The following PAQR5 variants were observed in gnomAD, a reference collection of about 807,000 sequenced individuals.
The protein encoded by PAQR5 is membrane progestin receptor gamma.
A neutral mutation model predicts 34.5 loss-of-function variants in PAQR5; 20 were observed. The observed-to-expected ratio is 0.58, with a 90% confidence interval of 0.41 to 0.84. The LOEUF (loss-of-function observed/expected upper bound fraction) is 0.84, where lower values mean the gene tolerates loss of function less well. Among genes scored for constraint, PAQR5 ranks in the 40% least tolerant of loss-of-function variants. The pLI is 0.00. For synonymous variants in PAQR5, 131 were observed against 155.6 expected (o/e 0.84, Z 1.18); for missense variants, 378 against 412.7 (o/e 0.92, Z 0.73).
At chr15:69,378,366 G>A (rs1354922666) in intron 3 of PAQR5, among the ~76,000 whole-genome samples, 2 of 133,066 alleles carry the variant, frequency 1.5e-5, no homozygotes, top group African/African-American at 5.6e-5. Context: ...TGAGCCAGGA[G>A]TTTGAGGCTG....
At chr15:69,341,682 C>T (rs1385172595) in intron 2 of PAQR5, among the ~76,000 whole-genome samples, 2 of 152,110 alleles carry the variant, frequency 1.3e-5, no homozygotes, top group Non-Finnish European at 2.9e-5. Context: ...CAGGCCGTCG[C>T]ACCTGTAATC....
At chr15:69,390,367 T>TTTTTTTTTTA (rs60267549) in intron 6 of PAQR5, among the ~76,000 whole-genome samples, 4 of 149,552 alleles carry the variant, frequency 2.7e-5, no homozygotes, top group Admixed American at 6.6e-5. Context: ...TTTATTTTTT[T>TTTTTTTTTTA]GAGACAGGGT....
chr15:69,346,648 A>T (rs534946130), intron 2 of PAQR5, among the ~76,000 whole-genome samples: 2 of 145,112 alleles, frequency 1.4e-5, no homozygotes, highest in African/African-American at 5.2e-5. Context: ...TGAGTACACA[A>T]TTTTACTCTG....
chr15:69,397,323 TGGA>T, intron 6 of PAQR5, 142 bp from the exon 7 acceptor site: 1 of 719,954 alleles, frequency 1.4e-6, no homozygotes, highest in Non-Finnish European at 2.6e-6. Context: ...ACGAGGCTGG[TGGA>T]GAAGCTGCTG....
chr15:69,384,575 G>A (rs1375477385), intron 4 of PAQR5, 102 bp from the exon 5 acceptor site: 1 of 653,858 alleles, frequency 1.5e-6, no homozygotes, highest in African/African-American at 1.9e-5. Context: ...CGGGCCCTCC[G>A]TGTTCATGGT....
At chr15:69,384,651 G>A in intron 4 of PAQR5, 26 bp from the exon 5 acceptor site, 1 of 1,561,388 alleles carries the variant, frequency 6.4e-7, no homozygotes, top group Non-Finnish European at 8.8e-7. Context: ...TCATGGTGGA[G>A]GGTGAGTGAG....
intron 3 of PAQR5, among the ~76,000 whole-genome samples, chr15:69,361,165 C>T (rs1298167991): frequency 4.6e-5 from 7 of 152,198 alleles, no homozygotes; most frequent in African/African-American, 1.7e-4. Context: ...TCACCTTCTC[C>T]TTTTGGTGCA....
At chr15:69,320,068 T>C (rs2054057883) in intron 1 of PAQR5, among the ~76,000 whole-genome samples, 2 of 152,242 alleles carry the variant, frequency 1.3e-5, no homozygotes, top group African/African-American at 2.4e-5. Context: ...GCCTTCCCCG[T>C]TGGGGTGAGG....
chr15:69,384,762 T>G lies in PAQR5; in HGVS notation c.265T>G (p.Cys89Gly), dbSNP rs2056060466. The G allele has an allele frequency of 6.2e-7, 1 of 1,613,500 alleles. No homozygotes were observed. Among genetic ancestry groups the G allele is most frequent in the Non-Finnish European group, 8.5e-7 (1 of 1,179,508 alleles). Residue 89 changes from cysteine to glycine, a missense_variant, in exon 5 of 9, where the codon TGC (cysteine) becomes GGC (glycine). Coordinates refer to ENST00000395407, the MANE Select transcript of PAQR5 (RefSeq NM_017705.4). ...CTCCTGGCCCATGCTTGTGTACATG[T>G]GCACCAGCTGCGTGTACCCACTTGT... Reference protein sequence around the residue: ...SYSWPMLVYMCTSCVYPLVSS... With the variant: ...SYSWPMLVYMGTSCVYPLVSS...
intron 2 of PAQR5, among the ~76,000 whole-genome samples, chr15:69,341,271 T>C (rs900646311): frequency 1.4e-5 from 2 of 147,138 alleles, no homozygotes; most frequent in African/African-American, 5.0e-5. Flanking sequence ...AATCATACAA[T>C]ATTTGTCCCT....
intron 2 of PAQR5, among the ~76,000 whole-genome samples, chr15:69,358,037 G>T (rs1023910527): frequency 6.6e-6 from 1 of 152,104 alleles, no homozygotes; most frequent in Non-Finnish European, 1.5e-5. Context: ...TCAGAGGCAG[G>T]GAAAGAACAC....
rs1389175187 is a variant in PAQR5 at position 69,382,696 on chromosome 15, A to G, written c.180-1981A>G. 7.9e-3 allele frequency among the ~76,000 whole-genome samples: 724 copies of G among 92,204 alleles called. 19 individuals are homozygous for G. Among genetic ancestry groups the G allele is most frequent in the East Asian group, 0.041 (128 of 3,160 alleles). 60.5% of individuals were successfully genotyped at this position (92,204 alleles called of 152,430 possible). On this transcript the variant is annotated intron_variant, in intron 4 of 8. Coordinates refer to ENST00000395407, the MANE Select transcript of PAQR5 (RefSeq NM_017705.4). ...TATATATATATATATATATATATAT[A>G]TATATATATGTATGTATGTATATAT...
intron 3 of PAQR5, among the ~76,000 whole-genome samples, chr15:69,373,363 A>T (rs2140895724): frequency 6.6e-6 from 1 of 152,276 alleles, no homozygotes; most frequent in African/African-American, 2.4e-5. Flanking sequence ...CTGTAGAGTT[A>T]GCAACCATGT....
At chr15:69,367,809 C>T (rs1431585971) in intron 3 of PAQR5, among the ~76,000 whole-genome samples, 2 of 152,168 alleles carry the variant, frequency 1.3e-5, no homozygotes, top group Admixed American at 1.3e-4. Context: ...GAAGGAGAAG[C>T]TGCGTTAGAA....
In PAQR5 at chr15:69,368,035, T is replaced by G. The variant is rs73440991; in HGVS notation, c.51+7904T>G. On this transcript the variant is annotated intron_variant, in intron 3 of 8. Coordinates refer to ENST00000395407, the MANE Select transcript of PAQR5 (RefSeq NM_017705.4). ...TTCCGAAAGGTCCTTCAGAAGTTTGTAGTGATATCTGCAAGAAGGCTTTCT... is the reference window on the plus strand; with the variant it reads ...TTCCGAAAGGTCCTTCAGAAGTTTGGAGTGATATCTGCAAGAAGGCTTTCT... Among the ~76,000 whole-genome samples the G allele has an allele frequency of 4.5e-3, 663 of 148,068 alleles. 4 individuals carry two copies. The highest frequency in any genetic ancestry group is 0.016 in the African/African-American group (628 of 40,230).
intron 1 of PAQR5, among the ~76,000 whole-genome samples, chr15:69,321,934 G>A (rs1223457573): frequency 6.6e-6 from 1 of 152,158 alleles, no homozygotes; most frequent in Admixed American, 6.5e-5. Context: ...ACTGAAGTTT[G>A]CAAATGAAAT....
chr15:69,338,090 A>C (rs1194320930), intron 2 of PAQR5, among the ~76,000 whole-genome samples: 2 of 152,094 alleles, frequency 1.3e-5, no homozygotes, highest in Admixed American at 1.3e-4. Context: ...ACAAACAAAC[A>C]AACAAAAAAA....
intron 2 of PAQR5, among the ~76,000 whole-genome samples, chr15:69,358,433 C>A (rs1337979748): frequency 6.6e-6 from 1 of 152,082 alleles, no homozygotes; most frequent in Non-Finnish European, 1.5e-5. Context: ...CAGCTCCTGA[C>A]CCTCTTCCAC....
chr15:69,371,103 A>G (rs2055548416), intron 3 of PAQR5, among the ~76,000 whole-genome samples: 1 of 151,982 alleles, frequency 6.6e-6, no homozygotes, highest in East Asian at 1.9e-4. Context: ...TCTATTGACA[A>G]TGATGTTAAA....
Sources: gnomAD v4.1 joint callset for allele counts (sites outside exome capture counted in the v4.1 genomes callset) on GRCh38, gnomAD v4.1.1 for gene constraint, MANE v1.5 for transcripts, NCBI Gene and HGNC (gene_info 2026-07-23, HGNC 2026-07-21) for gene names.